Variants in DLGAP3 observed in about 807,000 individuals in gnomAD.
DLGAP3 encodes the protein disks large-associated protein 3.
A neutral mutation model predicts 81.2 loss-of-function variants in DLGAP3; 17 were observed. That is an observed-to-expected ratio of 0.21 (90% confidence interval 0.14 to 0.31). The LOEUF (loss-of-function observed/expected upper bound fraction) is 0.31. Ranked by LOEUF, DLGAP3 falls within the 10% of genes least tolerant of loss-of-function variation. The pLI is 1.00. For missense variants in DLGAP3, 1,124 were observed against 1,388.0 expected (o/e 0.81, Z 3.02); for synonymous variants, 577 against 587.4 (o/e 0.98, Z 0.26).
chr1:34,889,932 C>T (rs1332290407), intron 5 of DLGAP3, among the ~76,000 whole-genome samples: 3 of 152,084 alleles, frequency 2.0e-5, no homozygotes, highest in Non-Finnish European at 2.9e-5. Context: ...GGTTTTAACA[C>T]CCACTTGGGC....
At position 34,867,212 on chromosome 1, in the gene DLGAP3, G is replaced by A. The variant is rs1030695556; in HGVS notation, c.2578-21C>T. The A allele has an allele frequency of 1.9e-6, 3 of 1,613,906 alleles. No individual in the cohort carries two copies. The highest frequency in any genetic ancestry group is 1.7e-5 in the Admixed American group (1 of 60,002). On this transcript the variant is annotated intron_variant, in intron 10 of 11. Coordinates refer to ENST00000373347, the MANE Select transcript of DLGAP3 (RefSeq NM_001080418.3). The surrounding 1 kb of genome is among the most constrained non-coding windows in gnomAD (Gnocchi z 4.3). The stretch of plus-strand genomic sequence containing the variant: ...GGATCCTGCAACAGAGGAAGATGGA[G>A]GGAAAGTGATTGGTCAAGGAGGTCT...
chr1:34,899,982 G>A (rs1639430292), intron 4 of DLGAP3, 86 bp downstream of exon 4: 1 of 1,226,594 alleles, frequency 8.2e-7, no homozygotes, highest in Admixed American at 1.9e-5. Flanking sequence ...AGGACTACCT[G>A]ACTGGCACCC....
chr1:34,871,667 G>A (rs1638982234), intron 8 of DLGAP3, among the ~76,000 whole-genome samples: 2 of 152,208 alleles, frequency 1.3e-5, no homozygotes, highest in South Asian at 2.1e-4. Flanking sequence ...CGTGCCTGAT[G>A]ATCTGCCACA....
rs199700492 is a variant in DLGAP3 at position 34,900,287 on chromosome 1, G to A, written c.1108-14C>T. 1,131 of 1,612,470 alleles carry A rather than the reference G, an allele frequency of 7.0e-4. No individual in the cohort carries two copies. Among genetic ancestry groups the A allele is most frequent in the Admixed American group, 1.7e-3 (104 of 60,030 alleles). ...ATCTTGCGGCACCTGCAGGAACAGG[G>A]GTCTCTGTCTCTCAGACATGACCCT... On this transcript the variant is annotated splice_polypyrimidine_tract_variant and intron_variant, in intron 3 of 11. Transcript: ENST00000373347. This position sits in a 1 kb window ranked among gnomAD's most constrained non-coding sequence, Gnocchi z 5.6.
At chr1:34,869,643 T>C (rs1216008998) in intron 8 of DLGAP3, among the ~76,000 whole-genome samples, 1 of 151,976 alleles carries the variant, frequency 6.6e-6, no homozygotes, top group East Asian at 1.9e-4. Context: ...GCATGCGCCT[T>C]TTGTCTCTTT....
intron 8 of DLGAP3, among the ~76,000 whole-genome samples, chr1:34,879,356 T>G (rs755006842): frequency 7.9e-5 from 12 of 152,160 alleles, no homozygotes; most frequent in African/African-American, 1.2e-4. Flanking sequence ...CCCTTACATA[T>G]GCACGCAGTT....
At chr1:34,928,408 GCCCCAGATCCCCCCTCCCACC>G (rs150230280) in intron 1 of DLGAP3, among the ~76,000 whole-genome samples, 5,930 of 151,926 alleles carry the variant, frequency 0.039, 380 homozygotes, top group African/African-American at 0.13. Context: ...ACTCCAGCTC[GCCCCAGATCCCCCCTCCCACC>G]CACCAGGGGC....
chr1:34,924,634 G>C (rs1385589596), intron 1 of DLGAP3, among the ~76,000 whole-genome samples: 2 of 152,136 alleles, frequency 1.3e-5, no homozygotes, highest in Non-Finnish European at 2.9e-5. Flanking sequence ...TAGGTGAAAG[G>C]CTGGTATCAA....
intron 1 of DLGAP3, among the ~76,000 whole-genome samples, chr1:34,925,806 C>T (rs1639864810): frequency 6.6e-6 from 1 of 152,116 alleles, no homozygotes; most frequent in Non-Finnish European, 1.5e-5. Context: ...CCACTCTGAG[C>T]TCTTAACTGG....
At chr1:34,914,554 TCCACCA>T (rs1374374421) in intron 1 of DLGAP3, among the ~76,000 whole-genome samples, 1 of 152,206 alleles carries the variant, frequency 6.6e-6, no homozygotes, top group Non-Finnish European at 1.5e-5. Context: ...ATATCCCAGG[TCCACCA>T]CTTACTAGAC....
intron 8 of DLGAP3, among the ~76,000 whole-genome samples, chr1:34,881,474 C>G (rs1639143920): frequency 6.6e-6 from 1 of 152,200 alleles, no homozygotes; most frequent in African/African-American, 2.4e-5. Flanking sequence ...CCTCTTTACT[C>G]CTTCTCACTG....
chr1:34,928,738 C>A (rs993777932), intron 1 of DLGAP3, among the ~76,000 whole-genome samples: 3 of 152,092 alleles, frequency 2.0e-5, no homozygotes, highest in African/African-American at 7.2e-5. Flanking sequence ...CACGCACACA[C>A]ACACACACAC....
intron 8 of DLGAP3, among the ~76,000 whole-genome samples, chr1:34,884,220 G>A (rs1282868747): frequency 6.6e-6 from 1 of 151,896 alleles, no homozygotes; most frequent in African/African-American, 2.4e-5. Flanking sequence ...CACCTGGCCT[G>A]GGACACTAGT....
chr1:34,886,374 CTA>C, intron 5 of DLGAP3, 89 bp from the exon 6 acceptor site: 2 of 1,246,066 alleles, frequency 1.6e-6, no homozygotes, highest in Non-Finnish European at 2.2e-6. Context: ...GAAGACCTCT[CTA>C]TATCTGCAGA....
At chr1:34,884,527 C>T (rs1639189995) in intron 8 of DLGAP3, among the ~76,000 whole-genome samples, 1 of 150,604 alleles carries the variant, frequency 6.6e-6, no homozygotes, top group African/African-American at 2.5e-5. Flanking sequence ...TTGTGTGAGC[C>T]AAGTGAGGAG....
intron 1 of DLGAP3, among the ~76,000 whole-genome samples, chr1:34,923,924 A>C (rs1639831881): frequency 6.6e-6 from 1 of 152,134 alleles, no homozygotes; most frequent in Admixed American, 6.5e-5. Flanking sequence ...GCCCAGTATT[A>C]TCTGGAAACT....
In DLGAP3 at chr1:34,868,403, G is replaced by GTGCA. The variant is rs1638919332; in HGVS notation, c.2485+198_2485+201dup. ...GCCCTGGCCTCTAAAGCTGCACCAT[G>GTGCA]TGCACCCTGCTCCCTTTCAAGAGCT... On this transcript the variant is annotated intron_variant, in intron 9 of 11. Coordinates refer to ENST00000373347, the MANE Select transcript of DLGAP3 (RefSeq NM_001080418.3). This position sits in a 1 kb window ranked among gnomAD's most constrained non-coding sequence, Gnocchi z 7.5. Among the ~76,000 whole-genome samples, 1 of 152,166 alleles carries GTGCA rather than the reference G, an allele frequency of 6.6e-6. No homozygotes were observed. The highest frequency in any genetic ancestry group is 1.5e-5 in the Non-Finnish European group (1 of 68,016).
Position 34,867,491 on chromosome 1 carries a change from C to T in DLGAP3, c.2577+45G>A. On this transcript the variant is annotated intron_variant, in intron 10 of 11. Transcript: ENST00000373347. The surrounding 1 kb of genome is among the most constrained non-coding windows in gnomAD (Gnocchi z 4.3). ...GTCTCACCTCCAGCACACACACACT[C>T]TGGGTCACATGTATCTGGTAGGATC... is the stretch of plus-strand genomic sequence containing the variant. 1 of 1,531,382 alleles carries T rather than the reference C, an allele frequency of 6.5e-7. No homozygotes were observed. The highest frequency in any genetic ancestry group is 2.2e-5 in the East Asian group (1 of 44,540). 94.9% of individuals were successfully genotyped at this position (1,531,382 alleles called of 1,614,324 possible).
intron 1 of DLGAP3, among the ~76,000 whole-genome samples, chr1:34,909,935 G>A (rs962231057): frequency 6.6e-6 from 1 of 152,054 alleles, no homozygotes; most frequent in African/African-American, 2.4e-5. Context: ...GGCCTCCTTT[G>A]TAACTAGAGG....
Sources: gnomAD v4.1 joint callset for allele counts (sites outside exome capture counted in the v4.1 genomes callset) on GRCh38, gnomAD v4.1.1 for gene constraint, Gnocchi (gnomAD v3.1) non-coding constraint, MANE v1.5 for transcripts, NCBI Gene and HGNC (gene_info 2026-07-23, HGNC 2026-07-21) for gene names.